The following OLAH variants were observed in gnomAD, a reference collection of about 807,000 sequenced individuals.
OLAH encodes the protein S-acyl fatty acid synthase thioesterase, medium chain.
OLAH carries 33 observed loss-of-function variants against 27.8 expected under a neutral mutation model. The ratio of observed to expected loss-of-function variants is 1.19; its 90% CI spans 0.90 to 1.59. The LOEUF (loss-of-function observed/expected upper bound fraction) is 1.59, where lower values mean the gene tolerates loss of function less well. OLAH is among the 40% of genes most tolerant of loss of function. The pLI, the probability that OLAH is intolerant of heterozygous loss-of-function variation, is 0.00. For missense variants in OLAH, 359 were observed against 310.8 expected (o/e 1.16, Z -1.17); for synonymous variants, 120 against 102.9 (o/e 1.17, Z -1.01).
At chr10:15,071,590 G>A (rs527382832) in intron 6 of OLAH, 580 of 985,426 alleles carry the variant, frequency 5.9e-4, no homozygotes, top group Middle Eastern at 1.0e-3. Context: ...CATCCTAGAA[G>A]TTAGATATTG....
intron 6 of OLAH, 21 bp from the exon 7 acceptor site, chr10:15,071,773 AC>A: frequency 6.3e-7 from 1 of 1,578,930 alleles, no homozygotes; most frequent in Non-Finnish European, 8.7e-7. Context: ...ACAATTACTA[AC>A]CAGCTCTTTT....
intron 4 of OLAH, among the ~76,000 whole-genome samples, chr10:15,062,886 A>T (rs1226323740): frequency 1.3e-5 from 2 of 151,898 alleles, no homozygotes; most frequent in Non-Finnish European, 2.9e-5. Context: ...TTACAGGCAC[A>T]CACGACCATA....
At chr10:15,067,717 C>T (rs1293611593) in intron 6 of OLAH, among the ~76,000 whole-genome samples, 1 of 152,196 alleles carries the variant, frequency 6.6e-6, no homozygotes, top group East Asian at 1.9e-4. Flanking sequence ...TGCACCTTCT[C>T]CTTTTCAATC....
In OLAH at chr10:15,071,717, T is replaced by G. The variant is rs954118682; in HGVS notation, c.573-78T>G. 6.1e-6 allele frequency: 9 copies of G among 1,475,520 alleles called. No individual in the cohort carries two copies. In the African/African-American group the frequency reaches 7.1e-5, roughly 12 times the overall value. 91.4% of individuals were successfully genotyped at this position (1,475,520 alleles called of 1,614,324 possible). On this transcript the variant is annotated intron_variant, in intron 6 of 7. Coordinates refer to ENST00000378228, the MANE Select transcript of OLAH (RefSeq NM_001039702.3). ...AAAAGAAGTGAACCCACCCCAAGTT[T>G]CATTGACATTAGGAACAGGAAAAGA...
chr10:15,044,429 A>G (rs1843975856), intron 1 of OLAH, among the ~76,000 whole-genome samples: 1 of 151,172 alleles, frequency 6.6e-6, no homozygotes, highest in Non-Finnish European at 1.5e-5. Context: ...TTGTATTTTA[A>G]TTTTATATAT....
chr10:15,056,734 G>T, intron 3 of OLAH: 1 of 1,244,734 alleles, frequency 8.0e-7, no homozygotes, highest in Non-Finnish European at 1.0e-6. Flanking sequence ...AGCCTCAAGT[G>T]ATCCTCCCAC....
At position 15,047,150 on chromosome 10, in the gene OLAH, A is replaced by C; in HGVS notation, c.-139A>C. On this transcript the variant is annotated 5_prime_UTR_variant, in exon 2 of 8. Transcript: ENST00000378228. ...GGGATTGGAGAGGTCAATAAGAGTC[A>C]GCGCCTTTAAAAAGAAATCTACTCA... is the stretch of plus-strand genomic sequence containing the variant. 3.0e-6 allele frequency: 2 copies of C among 671,338 alleles called. No individual in the cohort carries two copies. Among genetic ancestry groups the C allele is most frequent in the Non-Finnish European group, 4.9e-6 (2 of 405,418 alleles). The allele number at this position is 671,338 out of a possible 1,614,324, so 41.6% of individuals were successfully genotyped here. A position where few individuals can be genotyped will look rare whatever the true frequency, so the allele number is the denominator to read the frequency against.
chr10:15,062,749 T>A (rs934736963), intron 4 of OLAH, among the ~76,000 whole-genome samples: 3 of 151,288 alleles, frequency 2.0e-5, no homozygotes, highest in Non-Finnish European at 4.4e-5. Context: ...TTCTTTTTTT[T>A]TTTTTTTGAG....
rs1178412995 is a variant in OLAH, at chr10:15,064,454, T to A, written c.354T>A (p.Asn118Lys). 2 of 1,598,558 alleles carry A rather than the reference T, an allele frequency of 1.3e-6. No individual in the cohort carries two copies. Among genetic ancestry groups the A allele is most frequent in the South Asian group, 1.1e-5 (1 of 87,504 alleles). Residue 118 changes from asparagine to lysine, a missense_variant, in exon 5 of 8, where the codon AAT becomes AAA. Asn to Lys is a moderately conservative substitution (Grantham distance 94). Transcript: ENST00000378228. ...FRTALGLKEN[N>K]QPEPLHLFLS... ...CTGCACTAGGTCTAAAAGAAAACAATCAACCAGAACCATTGCATTTATTTT... is the reference window on the plus strand; with the variant it reads ...CTGCACTAGGTCTAAAAGAAAACAAACAACCAGAACCATTGCATTTATTTT...
intron 1 of OLAH, among the ~76,000 whole-genome samples, chr10:15,032,620 CAAAAAAAAAAAA>C (rs71390005): frequency 1.0e-5 from 1 of 95,656 alleles, no homozygotes; most frequent in Non-Finnish European, 2.0e-5. Context: ...GACTCAGTTT[CAAAAAAAAAAAA>C]AAAAAAAGAA....
At chr10:15,071,555 A>G in intron 6 of OLAH, 1 of 985,448 alleles carries the variant, frequency 1.0e-6, no homozygotes, top group Non-Finnish European at 1.2e-6. Context: ...TGTGTGCCCC[A>G]GTGCCATCCT....
At chr10:15,058,943 C>A (rs7082153) in intron 3 of OLAH, among the ~76,000 whole-genome samples, 680 of 101,870 alleles carry the variant, frequency 6.7e-3, no homozygotes, top group East Asian at 0.024. Context: ...TCCCTCTCTC[C>A]TTCCCTTCCC....
chr10:15,061,993 C>G, intron 4 of OLAH, 131 bp downstream of exon 4: 2 of 799,106 alleles, frequency 2.5e-6, no homozygotes, highest in East Asian at 5.6e-5. Context: ...GTAATTATGG[C>G]CATCACAACT....
At chr10:15,041,891 G>A (rs1163384397), upstream of OLAH, among the ~76,000 whole-genome samples, 4 of 151,900 alleles carry the variant, frequency 2.6e-5, no homozygotes, top group Admixed American at 6.6e-5. Flanking sequence ...CCTTTGACCC[G>A]TTGGCATCCT....
intron 6 of OLAH, among the ~76,000 whole-genome samples, chr10:15,068,577 T>C (rs1353667724): frequency 6.6e-6 from 1 of 152,114 alleles, no homozygotes; most frequent in Non-Finnish European, 1.5e-5. Context: ...GTATTTTTAG[T>C]AGAGACGGGG....
rs1291996049 is a variant in OLAH, at chr10:15,071,491, G to A, written c.573-304G>A. 2.7e-5 allele frequency: 27 copies of A among 983,188 alleles called. 1 individual carries two copies. In the Admixed American group the frequency reaches 4.9e-4, roughly 18 times the overall value. 60.9% of individuals were successfully genotyped at this position (983,188 alleles called of 1,614,324 possible). A position where few individuals can be genotyped will look rare whatever the true frequency, so the allele number is the denominator to read the frequency against. ...GCTAAGAGTTACTAAAGAGGTCTTC[G>A]TTTCTGATGACAGTTTAAAGGACTG... On this transcript the variant is annotated intron_variant, in intron 6 of 7. Coordinates refer to ENST00000378228, the MANE Select transcript of OLAH (RefSeq NM_001039702.3).
At chr10:15,045,188 G>A (rs1199263315) in intron 1 of OLAH, among the ~76,000 whole-genome samples, 1 of 152,144 alleles carries the variant, frequency 6.6e-6, no homozygotes, top group Non-Finnish European at 1.5e-5. Flanking sequence ...GAGTAAACTT[G>A]GACAGTGGTT....
intron 1 of OLAH, among the ~76,000 whole-genome samples, chr10:15,037,357 G>C (rs995600099): frequency 1.3e-5 from 2 of 151,952 alleles, no homozygotes; most frequent in Non-Finnish European, 2.9e-5. Flanking sequence ...AAGGCAGGCG[G>C]ATCACCTGAG....
chr10:15,051,580 A>G (rs1844143660), intron 3 of OLAH, among the ~76,000 whole-genome samples: 1 of 152,206 alleles, frequency 6.6e-6, no homozygotes, highest in African/African-American at 2.4e-5. Flanking sequence ...TTCTGACAGT[A>G]TCCTTAGAGA....
Sources: gnomAD v4.1 joint callset for allele counts (sites outside exome capture counted in the v4.1 genomes callset) on GRCh38, gnomAD v4.1.1 for gene constraint, MANE v1.5 for transcripts, NCBI Gene and HGNC (gene_info 2026-07-23, HGNC 2026-07-21) for gene names.